The following MRPL1 variants were observed in gnomAD, a reference collection of about 807,000 sequenced individuals.
MRPL1 encodes mitochondrial ribosomal protein L1.
A neutral mutation model predicts 38.0 loss-of-function variants in MRPL1; 28 were observed. The ratio of observed to expected loss-of-function variants is 0.74; its 90% CI spans 0.55 to 1.01. The LOEUF is 1.01. MRPL1 is among the 50% of genes least tolerant of loss of function. The probability of loss-of-function intolerance (pLI) is 0.00; values close to 1 mark genes in which losing one functional copy is unlikely to be tolerated. For synonymous variants in MRPL1, 123 were observed against 126.7 expected, an observed-to-expected ratio of 0.97 and a Z score of 0.20; for missense variants, 358 against 389.8, an observed-to-expected ratio of 0.92 and a Z score of 0.69.
intron 7 of MRPL1, among the ~76,000 whole-genome samples, chr4:77,939,732 G>A (rs1305492229): frequency 6.6e-6 from 1 of 152,110 alleles, no homozygotes. Context: ...GGTGAGAGAT[G>A]AGGATCCAGT....
intron 7 of MRPL1, among the ~76,000 whole-genome samples, chr4:77,940,545 T>G (rs762150677): frequency 6.6e-6 from 1 of 152,196 alleles, no homozygotes; most frequent in Admixed American, 6.5e-5. Flanking sequence ...CTTTCTCTTG[T>G]CTAATTGCTC....
rs182280446 is a variant in MRPL1, at chr4:77,911,236, T to C, written c.777+1864T>C. Among the ~76,000 whole-genome samples, 111 of 152,334 alleles carry C rather than the reference T, an allele frequency of 7.3e-4. 1 individual carries two copies. The highest frequency in any genetic ancestry group is 1.9e-3 in the Admixed American group (29 of 15,302). On this transcript the variant is annotated intron_variant, in intron 7 of 8. Transcript: ENST00000315567. The stretch of plus-strand genomic sequence containing the variant: ...GGACTGTGGAATATCCTTATAAGGC[T>C]CTTTTTAGCTGGATTAAATCTGTCT...
intron 7 of MRPL1, among the ~76,000 whole-genome samples, chr4:77,927,575 G>A (rs2110257632): frequency 6.6e-6 from 1 of 151,800 alleles, no homozygotes; most frequent in South Asian, 2.1e-4. Flanking sequence ...GATGTTACTT[G>A]TTCTGTTTCA....
intron 1 of MRPL1, among the ~76,000 whole-genome samples, chr4:77,867,468 A>G (rs115997056): frequency 1.9e-3 from 294 of 152,368 alleles, no homozygotes; most frequent in Non-Finnish European, 3.5e-3. Context: ...TGAACAAGCT[A>G]TATACATTTC....
intron 7 of MRPL1, among the ~76,000 whole-genome samples, chr4:77,943,812 T>C (rs1737192243): frequency 1.3e-5 from 2 of 152,196 alleles, no homozygotes. Context: ...AAGTTGGACT[T>C]CACCTTTCTC....
At chr4:77,877,645 G>A (rs1292393590) in intron 2 of MRPL1, among the ~76,000 whole-genome samples, 1 of 148,630 alleles carries the variant, frequency 6.7e-6, no homozygotes, top group Non-Finnish European at 1.5e-5. Context: ...TAGGCCCAGT[G>A]CAGCTGGACC....
intron 5 of MRPL1, among the ~76,000 whole-genome samples, chr4:77,891,094 TAATACA>T: frequency 6.6e-6 from 1 of 152,266 alleles, no homozygotes; most frequent in Non-Finnish European, 1.5e-5. Flanking sequence ...GAGTATGCTT[TAATACA>T]GGTTCTAGGC....
chr4:77,892,429 A>T (rs922169298), intron 5 of MRPL1, among the ~76,000 whole-genome samples: 2 of 152,036 alleles, frequency 1.3e-5, no homozygotes, highest in African/African-American at 2.4e-5. Flanking sequence ...CCACCGCACC[A>T]CGTAGTAATT....
intron 8 of MRPL1, among the ~76,000 whole-genome samples, chr4:77,950,827 A>G (rs1737391267): frequency 6.6e-6 from 1 of 152,176 alleles, no homozygotes; most frequent in African/African-American, 2.4e-5. Flanking sequence ...GCTATTTCAT[A>G]TGAAGCCCCT....
intron 6 of MRPL1, chr4:77,907,176 T>C (rs556172349): frequency 1.0e-6 from 1 of 982,858 alleles, no homozygotes; most frequent in Admixed American, 6.1e-5. Context: ...TTTAAATAAT[T>C]CACATTTTTC....
At chr4:77,877,448 C>A (rs768612666) in intron 2 of MRPL1, among the ~76,000 whole-genome samples, 1 of 127,958 alleles carries the variant, frequency 7.8e-6, no homozygotes, top group Non-Finnish European at 1.6e-5. Context: ...TTTTTCTCAG[C>A]GTTCCTGTTC....
At chr4:77,928,877 T>C (rs538211678) in intron 7 of MRPL1, among the ~76,000 whole-genome samples, 1 of 152,310 alleles carries the variant, frequency 6.6e-6, no homozygotes, top group Non-Finnish European at 1.5e-5. Flanking sequence ...CCAGAAGTTT[T>C]GGAAATTCAA....
chr4:77,894,389 G>A (rs1735870118), intron 6 of MRPL1, 139 bp downstream of exon 6: 3 of 550,916 alleles, frequency 5.4e-6, no homozygotes, highest in African/African-American at 2.0e-5. Flanking sequence ...GAGAACCTAC[G>A]GGTTTGATTT....
chr4:77,923,624 T>C (rs1560470974), intron 7 of MRPL1, among the ~76,000 whole-genome samples: 2 of 152,028 alleles, frequency 1.3e-5, no homozygotes, highest in Non-Finnish European at 2.9e-5. Context: ...ATCAAACTTA[T>C]GTGTGTATGT....
At chr4:77,928,505 G>T (rs1736769500) in intron 7 of MRPL1, among the ~76,000 whole-genome samples, 1 of 151,984 alleles carries the variant, frequency 6.6e-6, no homozygotes, top group Non-Finnish European at 1.5e-5. Context: ...TTCTTTTGTT[G>T]CATTATTTTT....
rs184282918 is a variant in MRPL1 at position 77,924,561 on chromosome 4, T to A, written c.777+15189T>A. 4.0e-3 allele frequency among the ~76,000 whole-genome samples: 606 copies of A among 152,306 alleles called. 1 individual carries two copies. Among genetic ancestry groups the A allele is most frequent in the Admixed American group, 8.6e-3 (132 of 15,286 alleles). ...ACCCCTTCTCACAAAGCAGTCCTCA[T>A]GCCTTTCATTCCTTTGATTACATTT... is the stretch of plus-strand genomic sequence containing the variant. On this transcript the variant is annotated intron_variant, in intron 7 of 8. Transcript: ENST00000315567.
intron 6 of MRPL1, chr4:77,906,857 T>C (rs1225192783): frequency 4.3e-6 from 2 of 463,212 alleles, no homozygotes; most frequent in Non-Finnish European, 5.7e-6. Context: ...TCATATTGTT[T>C]AGTATTCAGT....
Position 77,952,768 on chromosome 4 carries a change from A to G in MRPL1, c.*161A>G. 1 of 561,072 alleles carries G rather than the reference A, an allele frequency of 1.8e-6. No individual in the cohort carries two copies. The highest frequency in any genetic ancestry group is 3.1e-6 in the Non-Finnish European group (1 of 325,498). 34.8% of individuals were successfully genotyped at this position (561,072 alleles called of 1,614,324 possible). ...GTCATTTCAAGAATAAGAAAATAAA[A>G]TTTTCTCTTTGTCTGAACCTGCCTT... On this transcript the variant is annotated 3_prime_UTR_variant, in exon 9 of 9. Coordinates refer to ENST00000315567, the MANE Select transcript of MRPL1 (RefSeq NM_020236.4).
chr4:77,902,963 T>C (rs1736068378), intron 6 of MRPL1, among the ~76,000 whole-genome samples: 1 of 152,174 alleles, frequency 6.6e-6, no homozygotes, highest in African/African-American at 2.4e-5. Flanking sequence ...ACAACCTCTT[T>C]TAGAAAATAG....
Sources: gnomAD v4.1 joint callset for allele counts (sites outside exome capture counted in the v4.1 genomes callset) on GRCh38, gnomAD v4.1.1 for gene constraint, MANE v1.5 for transcripts, NCBI Gene and HGNC (gene_info 2026-07-23, HGNC 2026-07-21) for gene names.